Variants in THSD7A observed in about 807,000 individuals in gnomAD.
The protein encoded by THSD7A is thrombospondin type 1 domain containing 7A, also known as thrombospondin type-1 domain-containing protein 7A.
THSD7A carries 96 observed loss-of-function variants against 231.3 expected under a neutral mutation model. That is an observed-to-expected ratio of 0.41 (90% CI 0.35 to 0.49). The LOEUF (loss-of-function observed/expected upper bound fraction) is 0.49, where lower values mean the gene tolerates loss of function less well. THSD7A is among the 20% of genes least tolerant of loss of function. The probability of loss-of-function intolerance (pLI) is 0.05; values close to 1 mark genes in which losing one functional copy is unlikely to be tolerated. For missense variants in THSD7A, 2,290 were observed against 2,070.2 expected, an observed-to-expected ratio of 1.11 and a Z score of -2.06; for synonymous variants, 940 against 743.3, an observed-to-expected ratio of 1.26 and a Z score of -4.30.
intron 1 of THSD7A, among the ~76,000 whole-genome samples, chr7:11,772,874 C>T (rs1020969585): frequency 6.6e-6 from 1 of 151,784 alleles, no homozygotes; most frequent in Non-Finnish European, 1.5e-5. Context: ...TAAAAGATGA[C>T]AAAAAAAGTT....
chr7:11,636,424 G>A lies in THSD7A; in HGVS notation c.728C>T (p.Ser243Phe), dbSNP rs776631982. The stretch of plus-strand genomic sequence containing the variant: ...GAGCTCCTCGGCCTCGCATGGACTG[G>A]ATTGGCACACCTGGAACTCCGTCAG... ...PNLTEFQVCQ[S>F]SPCEAEELRY... The change falls in exon 2 of 28, where the codon TCC becomes TTC. Residue 243 changes from serine to phenylalanine, a missense_variant. Coordinates refer to ENST00000423059, the MANE Select transcript of THSD7A (RefSeq NM_015204.3). The surrounding 1 kb of genome is among the most constrained non-coding windows in gnomAD (Gnocchi z 10.0). 3.1e-6 allele frequency: 5 copies of A among 1,613,696 alleles called. No homozygotes were observed. In the South Asian group the frequency reaches 5.5e-5, roughly 18 times the overall value.
intron 7 of THSD7A, among the ~76,000 whole-genome samples, chr7:11,480,681 A>G (rs1786386824): frequency 6.6e-6 from 1 of 152,142 alleles, no homozygotes; most frequent in African/African-American, 2.4e-5. Context: ...TGTGTGTAAA[A>G]TGTTTTACGC....
chr7:11,814,054 C>T lies in THSD7A; in HGVS notation c.190+17703G>A, dbSNP rs563959738. On this transcript the variant is annotated intron_variant, in intron 1 of 27. Coordinates refer to ENST00000423059, the MANE Select transcript of THSD7A (RefSeq NM_015204.3). The surrounding 1 kb of genome is among the most constrained non-coding windows in gnomAD (Gnocchi z 5.1). ...AAAAGGTGCTAGTCACAAAAGATCA[C>T]GCAAGTTATGATGCCATTCATATGA... 1.1e-4 allele frequency among the ~76,000 whole-genome samples: 17 copies of T among 152,220 alleles called. No homozygotes were observed. Among genetic ancestry groups the T allele is most frequent in the African/African-American group, 2.9e-4 (12 of 41,546 alleles).
chr7:11,606,978 G>A (rs1011033865), intron 2 of THSD7A, among the ~76,000 whole-genome samples: 1 of 151,646 alleles, frequency 6.6e-6, no homozygotes, highest in Non-Finnish European at 1.5e-5. Context: ...TGCATGTTGT[G>A]CACATGTACC....
At chr7:11,385,748 G>A (rs1046037902) in intron 23 of THSD7A, 10 of 151,788 alleles carry the variant, frequency 6.6e-5, no homozygotes, top group African/African-American at 2.4e-4. Context: ...TTACTGCCAA[G>A]GTTATACTCT....
Position 11,544,859 on chromosome 7 carries a change from T to G in THSD7A, c.1454-1742A>C, listed in dbSNP as rs539379097. On this transcript the variant is annotated intron_variant, in intron 4 of 27. Transcript: ENST00000423059. ...CGCCACTACAGTGAAAATAAATAAC[T>G]GGGCACTAATTGGCTTAGTATGAGC... is the stretch of plus-strand genomic sequence containing the variant. Among the ~76,000 whole-genome samples, 17 of 114,698 alleles carry G rather than the reference T, an allele frequency of 1.5e-4. No individual in the cohort carries two copies. The South Asian group carries it at 5.2e-3, about 35-fold the overall frequency. The allele number at this position is 114,698 out of a possible 152,430, so 75.2% of individuals were successfully genotyped here.
At chr7:11,487,912 C>A (rs978161456) in intron 6 of THSD7A, among the ~76,000 whole-genome samples, 2 of 151,624 alleles carry the variant, frequency 1.3e-5, no homozygotes, top group African/African-American at 4.8e-5. Context: ...ATTCTCTAAA[C>A]GCCTCTTGAG....
At chr7:11,755,877 T>C (rs1782658385) in intron 1 of THSD7A, among the ~76,000 whole-genome samples, 1 of 152,116 alleles carries the variant, frequency 6.6e-6, no homozygotes, top group Admixed American at 6.6e-5. Flanking sequence ...AATTAATGTG[T>C]AATTTTGTGT....
intron 1 of THSD7A, among the ~76,000 whole-genome samples, chr7:11,760,474 A>T (rs1782818837): frequency 6.6e-6 from 1 of 152,114 alleles, no homozygotes; most frequent in Admixed American, 6.6e-5. Flanking sequence ...CATTATGTGA[A>T]TGTTCCTCAT....
At chr7:11,454,144 C>A (rs763653045) in intron 11 of THSD7A, among the ~76,000 whole-genome samples, 1 of 151,910 alleles carries the variant, frequency 6.6e-6, no homozygotes, top group Non-Finnish European at 1.5e-5. Context: ...ATTTGCATTT[C>A]TCTTTTATTG....
intron 9 of THSD7A, among the ~76,000 whole-genome samples, chr7:11,469,657 T>C (rs1023205574): frequency 6.6e-6 from 1 of 152,188 alleles, no homozygotes; most frequent in Non-Finnish European, 1.5e-5. Flanking sequence ...CTTTAATCTA[T>C]ATCATAAAAT....
intron 1 of THSD7A, among the ~76,000 whole-genome samples, chr7:11,714,029 T>C (rs1270981221): frequency 6.6e-6 from 1 of 151,260 alleles, no homozygotes; most frequent in Non-Finnish European, 1.5e-5. Context: ...GTTGAAAATT[T>C]AAGTTAAATA....
At chr7:11,426,871 A>C (rs1784338943) in intron 14 of THSD7A, among the ~76,000 whole-genome samples, 200 bp from the exon 15 acceptor site, 1 of 152,232 alleles carries the variant, frequency 6.6e-6, no homozygotes, top group African/African-American at 2.4e-5. Flanking sequence ...GTTAAAAAGT[A>C]AGATACACAA....
rs1780238757 is a variant in THSD7A at position 11,593,343 on chromosome 7, C to G, written c.1182G>C (p.Gln394His). Residue 394 changes from glutamine to histidine, a missense_variant, in exon 3 of 28, where the codon CAG becomes CAC. By Grantham distance (24) the Gln-to-His change is conservative. Coordinates refer to ENST00000423059, the MANE Select transcript of THSD7A (RefSeq NM_015204.3). ...GTRVRTRTIR[Q>H]FPIGSEKECP... ...ACTCCTTTTCACTGCCAATGGGAAA[C>G]TGCCTGATGGTTCGTGTCCTTACAC... 6 of 1,614,008 alleles carry G rather than the reference C, an allele frequency of 3.7e-6. No homozygotes were observed. Among genetic ancestry groups the G allele is most frequent in the Middle Eastern group, 3.3e-4 (2 of 6,062 alleles).
chr7:11,576,987 G>A (rs552785107), intron 4 of THSD7A, among the ~76,000 whole-genome samples: 77 of 152,234 alleles, frequency 5.1e-4, no homozygotes, highest in African/African-American at 1.8e-3. Context: ...TTACACTTTA[G>A]AGTCAAAAAC....
Position 11,541,661 on chromosome 7 carries a change from G to T in THSD7A, c.1610-30C>A, listed in dbSNP as rs764914257. The stretch of plus-strand genomic sequence containing the variant: ...ATTATGGGGGAAGGAAAAATCTATT[G>T]TTACTATCAAAGGTTTAGTATTTCA... On this transcript the variant is annotated intron_variant, in intron 5 of 27. Coordinates refer to ENST00000423059, the MANE Select transcript of THSD7A (RefSeq NM_015204.3). The T allele has an allele frequency of 1.9e-6, 3 of 1,587,662 alleles. No homozygotes were observed. In the South Asian group the frequency reaches 3.3e-5, roughly 18 times the overall value.
chr7:11,395,708 A>T (rs1425545168), intron 23 of THSD7A, among the ~76,000 whole-genome samples: 1 of 151,856 alleles, frequency 6.6e-6, no homozygotes, highest in Non-Finnish European at 1.5e-5. Flanking sequence ...TTGTATTTTT[A>T]GTAGAGATGG....
chr7:11,790,261 T>C (rs947672170), intron 1 of THSD7A, among the ~76,000 whole-genome samples: 3 of 151,828 alleles, frequency 2.0e-5, no homozygotes, highest in Admixed American at 2.0e-4. Context: ...ACCAATAAGG[T>C]AGAGAAAATA....
chr7:11,456,178 T>C (rs1342439505), intron 11 of THSD7A, among the ~76,000 whole-genome samples: 1 of 152,068 alleles, frequency 6.6e-6, no homozygotes, highest in Non-Finnish European at 1.5e-5. Context: ...CTTTTCTATG[T>C]GTACTTAGTA....
Sources: gnomAD v4.1 joint callset for allele counts (sites outside exome capture counted in the v4.1 genomes callset) on GRCh38, gnomAD v4.1.1 for gene constraint, Gnocchi (gnomAD v3.1) non-coding constraint, MANE v1.5 for transcripts, NCBI Gene and HGNC (gene_info 2026-07-23, HGNC 2026-07-21) for gene names.